The following CLEC2L variants were observed in gnomAD, a reference collection of about 807,000 sequenced individuals.
CLEC2L encodes C-type lectin domain family 2 member L.
CLEC2L carries 14 observed loss-of-function variants against 23.6 expected under a neutral mutation model. That is an observed-to-expected ratio of 0.59 (90% CI 0.39 to 0.93). The LOEUF (loss-of-function observed/expected upper bound fraction) is 0.93, where lower values mean the gene tolerates loss of function less well. Among genes scored for constraint, CLEC2L ranks in the 40% least tolerant of loss-of-function variants. The pLI is 0.00. For synonymous variants in CLEC2L, 114 were observed against 121.3 expected (o/e 0.94, Z 0.40); for missense variants, 264 against 282.4 (o/e 0.93, Z 0.47).
At position 139,540,101 on chromosome 7, in the gene CLEC2L, G is replaced by A; in HGVS notation, c.266-220G>A. The A allele has an allele frequency of 1.8e-6, 1 of 543,238 alleles. No homozygotes were observed. The highest frequency in any genetic ancestry group is 3.2e-5 in the East Asian group (1 of 31,628). The allele number at this position is 543,238 out of a possible 1,614,324, so 33.7% of individuals were successfully genotyped here. A position where few individuals can be genotyped will look rare whatever the true frequency, so the allele number is the denominator to read the frequency against. On this transcript the variant is annotated intron_variant, in intron 2 of 4. Coordinates refer to ENST00000422142, the MANE Select transcript of CLEC2L (RefSeq NM_001080511.4). This position sits in a 1 kb window ranked among gnomAD's most constrained non-coding sequence, Gnocchi z 5.8. The stretch of plus-strand genomic sequence containing the variant: ...ATCCTAACCCAGGGGCTGCCCTGCT[G>A]TCACTTCCCGTCGTGATGATGCCCC...
At chr7:139,528,994 G>A (rs781242789) in intron 1 of CLEC2L, among the ~76,000 whole-genome samples, 1 of 152,188 alleles carries the variant, frequency 6.6e-6, no homozygotes, top group Non-Finnish European at 1.5e-5. Flanking sequence ...GACCAAGGAT[G>A]TTGTCATTTG....
intron 2 of CLEC2L, 94 bp downstream of exon 2, chr7:139,536,442 A>T: frequency 9.0e-7 from 1 of 1,111,620 alleles, no homozygotes; most frequent in Non-Finnish European, 1.3e-6. Flanking sequence ...TAGACATTCC[A>T]AGAATCCTGT....
At chr7:139,543,079 T>C (rs1187727521) in intron 4 of CLEC2L, among the ~76,000 whole-genome samples, 2 of 152,154 alleles carry the variant, frequency 1.3e-5, no homozygotes, top group African/African-American at 4.8e-5. Context: ...CCTGGGATCC[T>C]CCTGGTTGCC....
At chr7:139,525,953 AGCCTT>A (rs1185754993) in intron 1 of CLEC2L, among the ~76,000 whole-genome samples, 3 of 152,156 alleles carry the variant, frequency 2.0e-5, no homozygotes, top group Non-Finnish European at 4.4e-5. Flanking sequence ...CCTGTGGTCC[AGCCTT>A]GCCTCACCAT....
At chr7:139,532,306 A>G (rs1206021251) in intron 1 of CLEC2L, among the ~76,000 whole-genome samples, 1 of 152,218 alleles carries the variant, frequency 6.6e-6, no homozygotes, top group African/African-American at 2.4e-5. Context: ...TGTGCAGTGC[A>G]GTGGTTTTGC....
chr7:139,530,259 A>T (rs1418228966), intron 1 of CLEC2L, among the ~76,000 whole-genome samples: 1 of 152,138 alleles, frequency 6.6e-6, no homozygotes. Flanking sequence ...AACAAGAGAG[A>T]AAATAGCAAC....
At chr7:139,535,647 A>C (rs980630324) in intron 1 of CLEC2L, among the ~76,000 whole-genome samples, 4 of 152,220 alleles carry the variant, frequency 2.6e-5, no homozygotes, top group African/African-American at 4.8e-5. Flanking sequence ...TAAATACATG[A>C]AAATAACAAA....
chr7:139,540,493 T>A lies in CLEC2L; in HGVS notation c.432+6T>A, dbSNP rs1230996574. The A allele has an allele frequency of 7.6e-6, 12 of 1,581,268 alleles. No individual in the cohort carries two copies. The highest frequency in any genetic ancestry group is 1.0e-5 in the Non-Finnish European group (12 of 1,164,192). Reference sequence around the variant, plus strand: ...TTCAGAGCCAGAAGGAGCTGGTGAGTGTGCCAAGGTGAAGGGGGTTGGGGG... The same window carrying A: ...TTCAGAGCCAGAAGGAGCTGGTGAGAGTGCCAAGGTGAAGGGGGTTGGGGG... On this transcript the variant is annotated splice_donor_region_variant and intron_variant, in intron 3 of 4. Coordinates refer to ENST00000422142, the MANE Select transcript of CLEC2L (RefSeq NM_001080511.4). The surrounding 1 kb of genome is among the most constrained non-coding windows in gnomAD (Gnocchi z 5.8).
chr7:139,539,339 C>T lies in CLEC2L; in HGVS notation c.266-982C>T, dbSNP rs965425029. ...GCATTTGGATTTAAGAAGTTATTTTCACATGTTCTGACACTGGGGGAGACC... is the reference window on the plus strand; with the variant it reads ...GCATTTGGATTTAAGAAGTTATTTTTACATGTTCTGACACTGGGGGAGACC... On this transcript the variant is annotated intron_variant, in intron 2 of 4. Transcript: ENST00000422142. The surrounding 1 kb of genome is among the most constrained non-coding windows in gnomAD (Gnocchi z 4.1). The T allele has an allele frequency of 6.6e-6, 1 of 152,196 alleles. No homozygotes were observed. Among genetic ancestry groups the T allele is most frequent in the Non-Finnish European group, 1.5e-5 (1 of 68,034 alleles). The allele number at this position is 152,196 out of a possible 1,614,324, so 9.4% of individuals were successfully genotyped here.
chr7:139,544,458 G>C lies in CLEC2L; in HGVS notation c.*116G>C. The C allele has an allele frequency of 1.4e-6, 1 of 706,862 alleles. No homozygotes were observed. Among genetic ancestry groups the C allele is most frequent in the South Asian group, 1.8e-5 (1 of 55,242 alleles). The allele number at this position is 706,862 out of a possible 1,614,324, so 43.8% of individuals were successfully genotyped here. ...CTCTGCAAGGCGAAGCGGTGGGTGC[G>C]TGGCCTCCGCCCCAGGCCCCTCTCC... On this transcript the variant is annotated 3_prime_UTR_variant, in exon 5 of 5. Coordinates refer to ENST00000422142, the MANE Select transcript of CLEC2L (RefSeq NM_001080511.4).
chr7:139,542,720 C>T (rs1797754391), intron 4 of CLEC2L, among the ~76,000 whole-genome samples: 2 of 152,056 alleles, frequency 1.3e-5, no homozygotes, highest in East Asian at 3.9e-4. Flanking sequence ...TGTGCCGTGG[C>T]GGTTTTGTAA....
intron 1 of CLEC2L, among the ~76,000 whole-genome samples, chr7:139,528,385 T>C (rs1291552261): frequency 2.0e-5 from 3 of 152,132 alleles, no homozygotes; most frequent in Non-Finnish European, 4.4e-5. Context: ...GACTGGGTAA[T>C]TTATAAAGGA....
At chr7:139,541,418 C>T (rs777308196) in intron 3 of CLEC2L, among the ~76,000 whole-genome samples, 12 of 152,154 alleles carry the variant, frequency 7.9e-5, no homozygotes, top group Non-Finnish European at 2.9e-5. Flanking sequence ...GACACGGTCT[C>T]TCATTTAACA....
chr7:139,533,789 A>G lies in CLEC2L; in HGVS notation c.191-2485A>G, dbSNP rs140512377. Among the ~76,000 whole-genome samples, 1,143 of 152,364 alleles carry G rather than the reference A, an allele frequency of 7.5e-3. 17 individuals are homozygous for G. Among genetic ancestry groups the G allele is most frequent in the African/African-American group, 0.026 (1,082 of 41,582 alleles). On this transcript the variant is annotated intron_variant, in intron 1 of 4. Transcript: ENST00000422142. ...AATACAATACAAATGAATAACTAGC[A>G]GCAGGCACTTGGATGTCGGGTAATT...
At chr7:139,542,925 C>G (rs1434137825) in intron 4 of CLEC2L, among the ~76,000 whole-genome samples, 1 of 152,126 alleles carries the variant, frequency 6.6e-6, no homozygotes, top group Non-Finnish European at 1.5e-5. Context: ...ACCCGCAGAA[C>G]AGACCCTGTG....
intron 1 of CLEC2L, among the ~76,000 whole-genome samples, chr7:139,531,696 G>A (rs1797584664): frequency 6.6e-6 from 1 of 152,082 alleles, no homozygotes; most frequent in Non-Finnish European, 1.5e-5. Context: ...ATCACCTGAG[G>A]TCAGGAGTTC....
intron 1 of CLEC2L, among the ~76,000 whole-genome samples, chr7:139,530,194 C>A (rs113816691): frequency 0.014 from 2,125 of 151,122 alleles, 52 homozygotes; most frequent in African/African-American, 0.048. Flanking sequence ...AAAAAAAAAA[C>A]CAAACCAAAC....
At chr7:139,537,475 T>C (rs1373242310) in intron 2 of CLEC2L, among the ~76,000 whole-genome samples, 2 of 152,126 alleles carry the variant, frequency 1.3e-5, no homozygotes, top group Non-Finnish European at 2.9e-5. Context: ...CTAGGAAACA[T>C]ATAGAGGAAC....
chr7:139,536,256 C>T lies in CLEC2L; in HGVS notation c.191-18C>T. 15 of 1,549,364 alleles carry T rather than the reference C, an allele frequency of 9.7e-6. No homozygotes were observed. Among genetic ancestry groups the T allele is most frequent in the Non-Finnish European group, 1.3e-5 (15 of 1,145,380 alleles). On this transcript the variant is annotated intron_variant, in intron 1 of 4. Coordinates refer to ENST00000422142, the MANE Select transcript of CLEC2L (RefSeq NM_001080511.4). ...TGGGATGGGCGGTGGGATGTTGAAC[C>T]CCTCTCTCTTCTCCTAGACACCACC...
Sources: gnomAD v4.1 joint callset for allele counts (sites outside exome capture counted in the v4.1 genomes callset) on GRCh38, gnomAD v4.1.1 for gene constraint, Gnocchi (gnomAD v3.1) non-coding constraint, MANE v1.5 for transcripts, NCBI Gene and HGNC (gene_info 2026-07-23, HGNC 2026-07-21) for gene names.